Variants in SH3TC1 observed in about 807,000 individuals in gnomAD.
The protein encoded by SH3TC1 is SH3 domain and tetratricopeptide repeats 1.
Under a neutral mutation model 117.3 loss-of-function variants are expected in SH3TC1, and 135 were observed. The observed-to-expected ratio is 1.15, with a 90% CI of 1.00 to 1.33. SH3TC1 has a LOEUF of 1.33. SH3TC1 is among the 40% of genes most tolerant of loss of function. The pLI is 0.00. For missense variants in SH3TC1, 2,092 were observed against 1,794.3 expected (o/e 1.17, Z -3.00); for synonymous variants, 898 against 816.9 (o/e 1.10, Z -1.69).
chr4:8,238,803 G>T (rs968374465), intron 17 of SH3TC1, among the ~76,000 whole-genome samples: 1 of 152,164 alleles, frequency 6.6e-6, no homozygotes, highest in African/African-American at 2.4e-5. Context: ...TGCCCACTCC[G>T]CCCACCCAGG....
In SH3TC1 at chr4:8,236,343, G is replaced by T; in HGVS notation, c.3471G>T (p.Lys1157Asn). ...AGGCGGAGCTGCGGCTGTGCAACAA[G>T]CTGGTGGCACTGCTGGCCACGCTGG... ...NRKAELRLCN[K>N]LVALLATLEE... The change falls in exon 16 of 18, where the codon AAG becomes AAT. Residue 1157 changes from lysine to asparagine, a missense_variant. Coordinates refer to ENST00000245105, the MANE Select transcript of SH3TC1 (RefSeq NM_018986.5). 6.4e-7 allele frequency: 1 copy of T among 1,552,454 alleles called. No homozygotes were observed. Among genetic ancestry groups the T allele is most frequent in the Non-Finnish European group, 8.7e-7 (1 of 1,148,198 alleles).
At chr4:8,231,901 G>C in intron 12 of SH3TC1, 75 bp from the exon 13 acceptor site, 1 of 1,544,672 alleles carries the variant, frequency 6.5e-7, no homozygotes, top group Non-Finnish European at 8.8e-7. Context: ...CAAGCACACC[G>C]CAGGGGCCTC....
intron 9 of SH3TC1, 137 bp from the exon 10 acceptor site, chr4:8,222,703 T>A (rs1036396552): frequency 4.6e-5 from 50 of 1,087,188 alleles, no homozygotes; most frequent in Admixed American, 3.9e-4. Context: ...TGTTTTTAAA[T>A]CTCTGTCTCT....
intron 1 of SH3TC1, among the ~76,000 whole-genome samples, chr4:8,191,408 C>A (rs1361798240): frequency 6.6e-6 from 1 of 152,228 alleles, no homozygotes; most frequent in Non-Finnish European, 1.5e-5. Flanking sequence ...GCTGGGGTGG[C>A]CATCAGTCAT....
intron 1 of SH3TC1, among the ~76,000 whole-genome samples, chr4:8,193,457 G>T (rs2152974996): frequency 6.6e-6 from 1 of 152,242 alleles, no homozygotes; most frequent in South Asian, 2.1e-4. Context: ...TGACCCCTGA[G>T]AAACCCTTTA....
chr4:8,228,493 C>T lies in SH3TC1; in HGVS notation c.2799C>T (p.Phe933=), dbSNP rs768796353. Residue 933 remains phenylalanine (F), a synonymous_variant, in exon 12 of 18, where the codon TTC becomes TTT. Transcript: ENST00000245105. ...ACCTCCTGGAGGCCGTGCGGCTGTT[C>T]TCGAGGCTGCCCCTTGGGGAGTGTG... ...QHYLLEAVRL[F]SRLPLGECGR... The T allele has an allele frequency of 3.7e-6, 6 of 1,611,198 alleles. No individual in the cohort carries two copies. The South Asian group carries it at 6.6e-5, about 18-fold the overall frequency.
intron 1 of SH3TC1, among the ~76,000 whole-genome samples, chr4:8,202,842 A>G (rs1717930578): frequency 6.6e-6 from 1 of 152,160 alleles, no homozygotes; most frequent in South Asian, 2.1e-4. Context: ...TTCCCAACTT[A>G]GCAGGCCTGG....
intron 12 of SH3TC1, chr4:8,231,164 G>C (rs902817561): frequency 6.6e-6 from 1 of 152,280 alleles, no homozygotes; most frequent in African/African-American, 2.4e-5. Context: ...GGTTGTTTAG[G>C]AGTGTGTCAT....
chr4:8,193,591 A>G (rs761532706), intron 1 of SH3TC1, among the ~76,000 whole-genome samples: 1 of 152,124 alleles, frequency 6.6e-6, no homozygotes, highest in Non-Finnish European at 1.5e-5. Flanking sequence ...TGCTGCACCA[A>G]TCATGCTTTG....
rs540400599 is a variant in SH3TC1 at position 8,187,171 on chromosome 4, G to A, written c.-57+4961G>A. Among the ~76,000 whole-genome samples the A allele has an allele frequency of 1.2e-3, 177 of 152,300 alleles. 1 individual carries two copies. Among genetic ancestry groups the A allele is most frequent in the Admixed American group, 1.7e-3 (26 of 15,298 alleles). The stretch of plus-strand genomic sequence containing the variant: ...CCACTCCTGTTCCACACTATCAGTT[G>A]GATTTGTCTGACGTGTTTCTCATAT... On this transcript the variant is annotated intron_variant, in intron 1 of 16. Transcript: ENST00000508641.
chr4:8,212,419 C>T (rs1390002072), intron 3 of SH3TC1, among the ~76,000 whole-genome samples: 3 of 152,110 alleles, frequency 2.0e-5, no homozygotes, highest in Non-Finnish European at 4.4e-5. Context: ...GTTTCTGTGC[C>T]GGCCTGGCCT....
At position 8,220,388 on chromosome 4, in the gene SH3TC1, G is replaced by GT. The variant is rs900340273; in HGVS notation, c.1112+858_1112+859insT. Among the ~76,000 whole-genome samples, 13 of 109,232 alleles carry GT rather than the reference G, an allele frequency of 1.2e-4. No homozygotes were observed. The East Asian group carries it at 2.9e-3, about 25-fold the overall frequency. 71.7% of individuals were successfully genotyped at this position (109,232 alleles called of 152,430 possible). ...TTCCATCAGCCCCCGTGGCTCCTCTGGGGGGGGCACTCTTCTGGCCATACG... is the reference window on the plus strand; with the variant it reads ...TTCCATCAGCCCCCGTGGCTCCTCTGTGGGGGGGCACTCTTCTGGCCATACG... On this transcript the variant is annotated intron_variant, in intron 9 of 17. Coordinates refer to ENST00000245105, the MANE Select transcript of SH3TC1 (RefSeq NM_018986.5).
chr4:8,207,006 T>C (rs191097109), intron 2 of SH3TC1, among the ~76,000 whole-genome samples: 1 of 151,784 alleles, frequency 6.6e-6, no homozygotes, highest in Admixed American at 6.6e-5. Flanking sequence ...TCCCTGCTTT[T>C]AATAACACCA....
chr4:8,218,510 C>T (rs182812422), intron 8 of SH3TC1, among the ~76,000 whole-genome samples, 163 bp downstream of exon 8: 2 of 152,198 alleles, frequency 1.3e-5, no homozygotes, highest in African/African-American at 4.8e-5. Flanking sequence ...TGGCAAAAAC[C>T]GCAATTACTT....
chr4:8,187,409 G>C (rs1015868772), intron 1 of SH3TC1, among the ~76,000 whole-genome samples: 7 of 151,990 alleles, frequency 4.6e-5, no homozygotes, highest in African/African-American at 1.7e-4. Context: ...AAAGGAGTGG[G>C]GGTCATGCTC....
rs777439792 is a variant in SH3TC1, at chr4:8,228,398, C to G, written c.2704C>G (p.Gln902Glu). 7 of 1,609,760 alleles carry G rather than the reference C, an allele frequency of 4.3e-6. No homozygotes were observed. The highest frequency in any genetic ancestry group is 5.9e-6 in the Non-Finnish European group (7 of 1,178,512). The change falls in exon 12 of 18, where the codon CAG becomes GAG. Residue 902 changes from glutamine (Q) to glutamate (E), a missense_variant. By Grantham distance (29) the Gln-to-Glu change is conservative. Transcript: ENST00000245105. ...TCGGGACCTGGGCCAGCAAAGGAAC[C>G]AGGCAGTGGGGCTGGCCAACTTCGG... is the stretch of plus-strand genomic sequence containing the variant. Reference protein sequence around the residue: ...VARDLGQQRNQAVGLANFGAL... With the variant: ...VARDLGQQRNEAVGLANFGAL...
At chr4:8,222,777 C>CT in intron 9 of SH3TC1, 63 bp from the exon 10 acceptor site, 1 of 1,577,292 alleles carries the variant, frequency 6.3e-7, no homozygotes. Context: ...TGGAAATGTG[C>CT]TTAGTGTGAA....
rs745444302 is a variant in SH3TC1 at position 8,205,652 on chromosome 4, A to G, written c.172+286A>G. ...ACGAGGCAGGGGCCTTTGAACCCCC[A>G]TGTTCAGAGACCGTTCCAGAAACAG... is the stretch of plus-strand genomic sequence containing the variant. On this transcript the variant is annotated intron_variant, in intron 2 of 17. Coordinates refer to ENST00000245105, the MANE Select transcript of SH3TC1 (RefSeq NM_018986.5). This position sits in a 1 kb window ranked among gnomAD's most constrained non-coding sequence, Gnocchi z 5.4. The G allele has an allele frequency of 2.6e-6, 2 of 763,984 alleles. No homozygotes were observed. Among genetic ancestry groups the G allele is most frequent in the East Asian group, 2.4e-5 (1 of 41,184 alleles). The allele number at this position is 763,984 out of a possible 1,614,324, so 47.3% of individuals were successfully genotyped here. A position where few individuals can be genotyped will look rare whatever the true frequency, so the allele number is the denominator to read the frequency against.
intron 7 of SH3TC1, among the ~76,000 whole-genome samples, chr4:8,217,823 T>C (rs535924179): frequency 6.6e-5 from 10 of 152,316 alleles, no homozygotes; most frequent in African/African-American, 2.4e-4. Context: ...CCAGCTTCCT[T>C]TTTTTTCTGG....
Sources: gnomAD v4.1 joint callset for allele counts (sites outside exome capture counted in the v4.1 genomes callset) on GRCh38, gnomAD v4.1.1 for gene constraint, Gnocchi (gnomAD v3.1) non-coding constraint, MANE v1.5 for transcripts, NCBI Gene and HGNC (gene_info 2026-07-23, HGNC 2026-07-21) for gene names.